CLMN: variants seen among roughly 807,000 people sequenced by gnomAD.
CLMN encodes calmin (calponin-like, transmembrane).
In CLMN, 57 loss-of-function variants were observed where a neutral mutation model predicts 92.7. The observed-to-expected ratio is 0.61, with a 90% CI of 0.50 to 0.77. The LOEUF (loss-of-function observed/expected upper bound fraction) is 0.77. CLMN is among the 30% of genes least tolerant of loss of function. The pLI, the probability that CLMN is intolerant of heterozygous loss-of-function variation, is 0.00. For missense variants in CLMN, 1,158 were observed against 1,237.5 expected, an observed-to-expected ratio of 0.94 and a Z score of 0.96; for synonymous variants, 466 against 470.6, an observed-to-expected ratio of 0.99 and a Z score of 0.13.
chr14:95,257,359 G>A (rs995296863), intron 1 of CLMN, among the ~76,000 whole-genome samples: 3 of 152,156 alleles, frequency 2.0e-5, no homozygotes, highest in Non-Finnish European at 2.9e-5. Context: ...TTCTGTTGGA[G>A]TTGAAGGATC....
Position 95,246,318 on chromosome 14 carries a change from G to A in CLMN, c.83-16185C>T, listed in dbSNP as rs903812912. ...CACTCAAACTACCAATCCTAAACCT[G>A]CTGAACCTGCCTCTCCCATTCCTTC... On this transcript the variant is annotated intron_variant, in intron 1 of 12. Coordinates refer to ENST00000298912, the MANE Select transcript of CLMN (RefSeq NM_024734.4). Among the ~76,000 whole-genome samples, 11 of 152,228 alleles carry A rather than the reference G, an allele frequency of 7.2e-5. No homozygotes were observed. The South Asian group carries it at 8.3e-4, about 11-fold the overall frequency.
chr14:95,225,435 A>C (rs1595591745), intron 2 of CLMN, among the ~76,000 whole-genome samples: 1 of 152,334 alleles, frequency 6.6e-6, no homozygotes, highest in Admixed American at 6.5e-5. Context: ...GCTGGAATGC[A>C]ATGAGATCAT....
chr14:95,316,023 C>T (rs1901753478), intron 1 of CLMN, among the ~76,000 whole-genome samples: 1 of 152,134 alleles, frequency 6.6e-6, no homozygotes, highest in Non-Finnish European at 1.5e-5. Flanking sequence ...GTACAGTGAC[C>T]CCCAGAACTG....
chr14:95,271,039 T>A (rs1231854678), intron 1 of CLMN, among the ~76,000 whole-genome samples: 5 of 152,378 alleles, frequency 3.3e-5, no homozygotes, highest in Non-Finnish European at 5.9e-5. Context: ...TATTAAGTGG[T>A]ACTTCATTTC....
intron 1 of CLMN, among the ~76,000 whole-genome samples, chr14:95,234,023 C>T (rs963206528): frequency 2.6e-5 from 4 of 152,204 alleles, no homozygotes; most frequent in African/African-American, 9.7e-5. Flanking sequence ...AAAACTGGGA[C>T]GCATTGCTCA....
In CLMN at chr14:95,210,886, GA is replaced by G. The variant is rs757988476; in HGVS notation, c.609-8del. 12 of 1,495,206 alleles carry G rather than the reference GA, an allele frequency of 8.0e-6. No individual in the cohort carries two copies. Among genetic ancestry groups the G allele is most frequent in the Non-Finnish European group, 1.1e-5 (12 of 1,129,288 alleles). 92.6% of individuals were successfully genotyped at this position (1,495,206 alleles called of 1,614,324 possible). On this transcript the variant is annotated splice_region_variant and splice_polypyrimidine_tract_variant and intron_variant, in intron 6 of 12. Transcript: ENST00000298912. ...CTGCACCGCCACGCCATACCTGAAG[GA>G]AAAACAGCAGCGGCGGCCAGGATGC...
chr14:95,208,517 G>T (rs920289530), intron 8 of CLMN, among the ~76,000 whole-genome samples: 2 of 152,132 alleles, frequency 1.3e-5, no homozygotes, highest in Non-Finnish European at 2.9e-5. Flanking sequence ...TAAAAATCTG[G>T]TAGATGCTAA....
At position 95,259,499 on chromosome 14, in the gene CLMN, A is replaced by G. The variant is rs1211270295; in HGVS notation, c.83-29366T>C. On this transcript the variant is annotated intron_variant, in intron 1 of 12. Coordinates refer to ENST00000298912, the MANE Select transcript of CLMN (RefSeq NM_024734.4). The surrounding 1 kb of genome is among the most constrained non-coding windows in gnomAD (Gnocchi z 4.3). ...TTCCTGGGCCCCTCCTGGAGTTTCA[A>G]GAAACATCTGGGAGGAAACGAGACA... 2.6e-5 allele frequency among the ~76,000 whole-genome samples: 4 copies of G among 152,136 alleles called. No individual in the cohort carries two copies. Among genetic ancestry groups the G allele is most frequent in the Admixed American group, 2.6e-4 (4 of 15,278 alleles).
intron 1 of CLMN, among the ~76,000 whole-genome samples, chr14:95,232,670 T>C (rs1427878156): frequency 6.6e-6 from 1 of 152,120 alleles, no homozygotes; most frequent in East Asian, 1.9e-4. Flanking sequence ...GAAAAGAAGT[T>C]AATAGAAATG....
intron 12 of CLMN, chr14:95,193,510 G>A: frequency 2.4e-6 from 2 of 821,632 alleles, no homozygotes; most frequent in Admixed American, 5.0e-5. Flanking sequence ...CTCCTGCCTG[G>A]CCGTCCCTTT....
chr14:95,205,695 T>C (rs1011883522), intron 8 of CLMN, among the ~76,000 whole-genome samples: 2 of 152,072 alleles, frequency 1.3e-5, no homozygotes, highest in Non-Finnish European at 2.9e-5. Flanking sequence ...ATATATAAAA[T>C]ATATACAAAT....
At chr14:95,240,814 T>C (rs992569062) in intron 1 of CLMN, among the ~76,000 whole-genome samples, 1 of 152,136 alleles carries the variant, frequency 6.6e-6, no homozygotes, top group Non-Finnish European at 1.5e-5. Context: ...AGAGGGGAAG[T>C]GATTGGCCTC....
chr14:95,196,429 T>C, intron 10 of CLMN, 69 bp downstream of exon 10: 1 of 1,477,936 alleles, frequency 6.8e-7, no homozygotes, highest in Non-Finnish European at 9.2e-7. Context: ...CCCCATCAAA[T>C]CAGAAACTGC....
At chr14:95,305,372 T>TATGAGAA (rs1901235019) in intron 1 of CLMN, among the ~76,000 whole-genome samples, 1 of 152,232 alleles carries the variant, frequency 6.6e-6, no homozygotes, top group Non-Finnish European at 1.5e-5. Context: ...CTGTCCATCA[T>TATGAGAA]GACCATCCTC....
At chr14:95,276,087 C>A (rs1368317476) in intron 1 of CLMN, among the ~76,000 whole-genome samples, 1 of 152,214 alleles carries the variant, frequency 6.6e-6, no homozygotes, top group African/African-American at 2.4e-5. Flanking sequence ...TCCAGTAACA[C>A]CTTCCTGGCA....
Position 95,204,047 on chromosome 14 carries a change from C to T in CLMN, c.1302G>A (p.Lys434=). The T allele has an allele frequency of 1.2e-6, 2 of 1,614,202 alleles. No homozygotes were observed. The highest frequency in any genetic ancestry group is 1.7e-5 in the Admixed American group (1 of 60,024). The part of the protein sequence containing the change: ...KTVHFEADTY[K]DPFCSKNLSL... ...ACAGGTTCTTACTGCAGAAAGGATCCTTGTAGGTGTCAGCCTCAAAGTGAA... is the reference window on the plus strand; with the variant it reads ...ACAGGTTCTTACTGCAGAAAGGATCTTTGTAGGTGTCAGCCTCAAAGTGAA... Residue 434 remains lysine, a synonymous_variant, in exon 9 of 13, where the codon AAG becomes AAA. Coordinates refer to ENST00000298912, the MANE Select transcript of CLMN (RefSeq NM_024734.4).
chr14:95,215,104 C>T (rs1040209657), intron 5 of CLMN, among the ~76,000 whole-genome samples: 9 of 152,238 alleles, frequency 5.9e-5, no homozygotes, highest in East Asian at 3.9e-4. Flanking sequence ...TAAAGTATAA[C>T]AATAAAAAAT....
intron 1 of CLMN, among the ~76,000 whole-genome samples, chr14:95,239,798 T>A (rs1044033596): frequency 7.2e-5 from 11 of 152,356 alleles, no homozygotes; most frequent in African/African-American, 2.6e-4. Context: ...GTAAAATGAA[T>A]CGCAACGTTC....
chr14:95,208,682 GT>G (rs1325265022), intron 8 of CLMN, among the ~76,000 whole-genome samples: 1 of 152,194 alleles, frequency 6.6e-6, no homozygotes, highest in African/African-American at 2.4e-5. Context: ...CATGTAAATA[GT>G]TCCCCCCTTA....
Sources: allele counts gnomAD v4.1 joint callset (sites outside exome capture counted in the v4.1 genomes callset), GRCh38; gene constraint gnomAD v4.1.1; non-coding constraint Gnocchi (gnomAD v3.1); transcripts MANE v1.5; gene names NCBI Gene and HGNC (gene_info 2026-07-23, HGNC 2026-07-21).